Variants in NAV3 observed in about 807,000 individuals in gnomAD.
The protein encoded by NAV3 is neuron navigator 3.
A neutral mutation model predicts 244.7 loss-of-function variants in NAV3; 87 were observed. That is an observed-to-expected ratio of 0.36 (90% CI 0.30 to 0.42). NAV3 has a LOEUF of 0.42. NAV3 is among the 20% of genes least tolerant of loss of function. The probability of loss-of-function intolerance (pLI) is 1.00; values close to 1 mark genes in which losing one functional copy is unlikely to be tolerated. For missense variants in NAV3, 2,663 were observed against 2,893.3 expected, an observed-to-expected ratio of 0.92 and a Z score of 1.83; for synonymous variants, 1,126 against 1,042.2, an observed-to-expected ratio of 1.08 and a Z score of -1.55.
intron 38 of NAV3, among the ~76,000 whole-genome samples, chr12:78,202,625 G>T (rs1436053903): frequency 6.6e-6 from 1 of 151,992 alleles, no homozygotes; most frequent in Admixed American, 6.6e-5. Flanking sequence ...TTTTGAAGAG[G>T]GATAAAAATG....
At chr12:77,789,797 C>G (rs1263369217) in intron 2 of NAV3, among the ~76,000 whole-genome samples, 8 of 51,276 alleles carry the variant, frequency 1.6e-4, no homozygotes, top group African/African-American at 5.9e-4. Flanking sequence ...GCAACAAGAG[C>G]AAAACTTCGT....
At chr12:78,058,820 T>G (rs1883896018) in intron 11 of NAV3, among the ~76,000 whole-genome samples, 176 bp from the exon 12 acceptor site, 1 of 152,092 alleles carries the variant, frequency 6.6e-6, no homozygotes, top group African/African-American at 2.4e-5. Flanking sequence ...CTAGTAAACT[T>G]GAAAAAATAT....
At chr12:77,718,917 A>T (rs1350291214) in intron 2 of NAV3, among the ~76,000 whole-genome samples, 2 of 152,040 alleles carry the variant, frequency 1.3e-5, no homozygotes, top group Admixed American at 1.3e-4. Flanking sequence ...AGCCTCCCAA[A>T]GTGCTGGGAT....
chr12:77,720,253 G>A lies in NAV3; in HGVS notation c.72+147987G>A, dbSNP rs142120085. ...GTTTTCCTGTTTCTTTATGTGCCTT[G>A]TAACTTTCTATTACGATCTACACAT... On this transcript the variant is annotated intron_variant, in intron 2 of 8. Transcript: ENST00000550042. 6.2e-3 allele frequency among the ~76,000 whole-genome samples: 789 copies of A among 127,996 alleles called. 4 individuals carry two copies. The highest frequency in any genetic ancestry group is 0.016 in the Admixed American group (211 of 13,282). The allele number at this position is 127,996 out of a possible 152,430, so 84.0% of individuals were successfully genotyped here.
intron 2 of NAV3, among the ~76,000 whole-genome samples, chr12:77,716,824 A>T (rs555204335): frequency 6.6e-6 from 1 of 152,170 alleles, no homozygotes; most frequent in African/African-American, 2.4e-5. Flanking sequence ...TGCAAGTCCC[A>T]CCATACTAAG....
chr12:77,589,204 A>T (rs1869786059), intron 2 of NAV3, among the ~76,000 whole-genome samples: 1 of 152,186 alleles, frequency 6.6e-6, no homozygotes, highest in South Asian at 2.1e-4. Flanking sequence ...GGAAGACAAT[A>T]GTTCAGATCC....
intron 2 of NAV3, among the ~76,000 whole-genome samples, chr12:77,710,091 TA>T: frequency 1.3e-5 from 2 of 152,292 alleles, no homozygotes; most frequent in South Asian, 4.1e-4. Context: ...AGCCAGTATT[TA>T]ATAGATTCTA....
chr12:77,841,723 T>C (rs1215314193), intron 1 of NAV3, among the ~76,000 whole-genome samples: 3 of 152,188 alleles, frequency 2.0e-5, no homozygotes. Flanking sequence ...GACTAACATA[T>C]ATACTAACTG....
rs759159261 is a variant in NAV3 at position 78,180,848 on chromosome 12, C to G, written c.5518-23C>G. 5.7e-6 allele frequency: 9 copies of G among 1,580,374 alleles called. No individual in the cohort carries two copies. The African/African-American group carries it at 6.8e-5, about 12-fold the overall frequency. Reference sequence around the variant, plus strand: ...TCAATCAAACCAACTCAGTTTTTTTCATGTTTTCCATCTTCATAACAGAAT... The same window carrying G: ...TCAATCAAACCAACTCAGTTTTTTTGATGTTTTCCATCTTCATAACAGAAT... On this transcript the variant is annotated intron_variant, in intron 29 of 39. Coordinates refer to ENST00000397909, the MANE Select transcript of NAV3 (RefSeq NM_001024383.2).
chr12:77,721,291 T>A (rs777439560), intron 2 of NAV3, among the ~76,000 whole-genome samples: 1 of 152,128 alleles, frequency 6.6e-6, no homozygotes, highest in African/African-American at 2.4e-5. Context: ...ATCCAAAAGA[T>A]GTAGATGTTG....
rs532271277 is a variant in NAV3 at position 77,591,942 on chromosome 12, T to C, written c.72+19676T>C. On this transcript the variant is annotated intron_variant, in intron 2 of 8. Coordinates refer to the NAV3 transcript ENST00000550042. The stretch of plus-strand genomic sequence containing the variant: ...GAGATGATTTGTAAATTGTAAACTA[T>C]ATTTTTCATTCTGATGAAGCAAGGC... 4.1e-4 allele frequency among the ~76,000 whole-genome samples: 62 copies of C among 152,360 alleles called. 1 individual carries two copies. The highest frequency in any genetic ancestry group is 6.8e-3 in the Middle Eastern group (2 of 294).
At chr12:77,701,177 GA>G (rs1485006620) in intron 2 of NAV3, among the ~76,000 whole-genome samples, 1 of 151,762 alleles carries the variant, frequency 6.6e-6, no homozygotes, top group Non-Finnish European at 1.5e-5. Context: ...GAAACATTTG[GA>G]AATGGAGTTT....
intron 18 of NAV3, among the ~76,000 whole-genome samples, chr12:78,134,174 T>G (rs896483531): frequency 6.6e-6 from 1 of 152,212 alleles, no homozygotes. Flanking sequence ...TACTCAAATC[T>G]TCCTCTACCT....
intron 18 of NAV3, among the ~76,000 whole-genome samples, chr12:78,134,979 T>C (rs1956311844): frequency 2.0e-5 from 3 of 152,148 alleles, no homozygotes; most frequent in Admixed American, 2.0e-4. Context: ...TTCTTGTGTG[T>C]CTCTTGGCTT....
chr12:77,648,836 A>G (rs1202335288), intron 2 of NAV3, among the ~76,000 whole-genome samples: 1 of 152,070 alleles, frequency 6.6e-6, no homozygotes, highest in African/African-American at 2.4e-5. Flanking sequence ...CTATTGAGTA[A>G]ATATGGGATT....
intron 2 of NAV3, among the ~76,000 whole-genome samples, chr12:77,599,813 T>G (rs1213699029): frequency 6.6e-6 from 1 of 151,954 alleles, no homozygotes; most frequent in East Asian, 1.9e-4. Context: ...TTTGAGACAC[T>G]GTAAATTTTT....
At chr12:78,029,309 G>T (rs1878596118) in intron 9 of NAV3, among the ~76,000 whole-genome samples, 1 of 152,060 alleles carries the variant, frequency 6.6e-6, no homozygotes, top group African/African-American at 2.4e-5. Flanking sequence ...TAGCCAAAAT[G>T]GTGCTGAATT....
intron 2 of NAV3, among the ~76,000 whole-genome samples, chr12:77,791,489 G>C (rs1022220057): frequency 6.6e-6 from 1 of 152,086 alleles, no homozygotes; most frequent in African/African-American, 2.4e-5. Flanking sequence ...AGATCCAACA[G>C]GCTTAGCTCT....
rs562097296 is a variant in NAV3, at chr12:77,717,929, T to C, written c.72+145663T>C. Among the ~76,000 whole-genome samples, 9 of 152,278 alleles carry C rather than the reference T, an allele frequency of 5.9e-5. No homozygotes were observed. In the East Asian group the frequency reaches 9.7e-4, roughly 16 times the overall value. ...CCCATTTTTAAATTGAATTATTAGG[T>C]ATTTTGTCACTGAGTTGTAGGAGTT... On this transcript the variant is annotated intron_variant, in intron 2 of 8. Transcript: ENST00000550042.
Sources: gnomAD v4.1 joint callset for allele counts (sites outside exome capture counted in the v4.1 genomes callset) on GRCh38, gnomAD v4.1.1 for gene constraint, MANE v1.5 for transcripts, NCBI Gene and HGNC (gene_info 2026-07-23, HGNC 2026-07-21) for gene names.